Variants in POLD1 observed in about 807,000 individuals in gnomAD.
POLD1 encodes the protein DNA polymerase delta catalytic subunit.
POLD1 carries 79 observed loss-of-function variants against 129.7 expected under a neutral mutation model. The observed-to-expected ratio is 0.61, with a 90% CI of 0.51 to 0.73. The LOEUF (loss-of-function observed/expected upper bound fraction) is 0.73. Among genes scored for constraint, POLD1 ranks in the 30% least tolerant of loss-of-function variants. The probability of loss-of-function intolerance (pLI) is 0.00; values close to 1 mark genes in which losing one functional copy is unlikely to be tolerated. For missense variants in POLD1, 1,338 were observed against 1,595.8 expected (o/e 0.84, Z 2.75); for synonymous variants, 714 against 683.3 (o/e 1.04, Z -0.70).
intron 1 of POLD1, among the ~76,000 whole-genome samples, chr19:50,391,731 T>TC (rs1555788004): frequency 2.7e-5 from 4 of 148,736 alleles, no homozygotes; most frequent in African/African-American, 7.7e-5. Context: ...TCTTTTTTTT[T>TC]CCCACTCCCC....
intron 1 of POLD1, among the ~76,000 whole-genome samples, chr19:50,396,613 G>T (rs1341088386): frequency 1.3e-5 from 2 of 151,586 alleles, no homozygotes; most frequent in African/African-American, 4.8e-5. Context: ...GAGTAGCTGG[G>T]ACTACAGGCG....
chr19:50,401,383 A>ATTTTTTTTTTTTTTTTTTTTT (rs2038607984), intron 3 of POLD1, among the ~76,000 whole-genome samples: 1 of 58,160 alleles, frequency 1.7e-5, no homozygotes, highest in African/African-American at 7.8e-5. Context: ...ATATATATAT[A>ATTTTTTTTTTTTTTTTTTTTT]TATATATATT....
chr19:50,417,678 CCCCA>C lies in POLD1; in HGVS notation c.3219-160_3219-157del, dbSNP rs1383318834. ...GCACCCGCTGTTATCGGCTCCCCCC[CCCCA>C]CCCCCCCCGTGCCTGCTGAGCAAAC... On this transcript the variant is annotated intron_variant, in intron 26 of 26. Coordinates refer to ENST00000440232, the MANE Select transcript of POLD1 (RefSeq NM_002691.4). 0.023 allele frequency among the ~76,000 whole-genome samples: 2,443 copies of C among 105,096 alleles called. 157 individuals carry two copies. Among genetic ancestry groups the C allele is most frequent in the African/African-American group, 0.11 (2,219 of 20,758 alleles). The allele number at this position is 105,096 out of a possible 152,430, so 68.9% of individuals were successfully genotyped here. A position where few individuals can be genotyped will look rare whatever the true frequency, so the allele number is the denominator to read the frequency against.
At chr19:50,407,245 C>G (rs1467754182) in intron 13 of POLD1, 71 bp downstream of exon 13, 2 of 1,550,092 alleles carry the variant, frequency 1.3e-6, no homozygotes, top group African/African-American at 1.4e-5. Context: ...GCAATGGCAT[C>G]CTGGATGCAC....
chr19:50,385,600 C>G (rs1467471555), intron 1 of POLD1, among the ~76,000 whole-genome samples: 1 of 150,564 alleles, frequency 6.6e-6, no homozygotes, highest in African/African-American at 2.5e-5. Context: ...GCAAACTCAG[C>G]TCATTGCAAC....
intron 8 of POLD1, 40 bp downstream of exon 8, chr19:50,402,781 G>A (rs2122262745): frequency 6.4e-7 from 1 of 1,554,432 alleles, no homozygotes; most frequent in Non-Finnish European, 8.7e-7. Flanking sequence ...CCTCATTGAT[G>A]TGCCAAGTCG....
In POLD1 at chr19:50,392,891, A is replaced by G. The variant is rs536295333; in HGVS notation, c.-1-5960A>G. On this transcript the variant is annotated intron_variant, in intron 1 of 26. Coordinates refer to ENST00000440232, the MANE Select transcript of POLD1 (RefSeq NM_002691.4). ...TGCATCTTGCTTTATCTACTGAACA[A>G]TGCCTCTTTGAGAACCTTCCCTATC... 3.9e-5 allele frequency among the ~76,000 whole-genome samples: 6 copies of G among 152,368 alleles called. No individual in the cohort carries two copies. The East Asian group carries it at 7.7e-4, about 20-fold the overall frequency.
At chr19:50,401,392 T>TATATATATA (rs1491527037) in intron 3 of POLD1, among the ~76,000 whole-genome samples, 32 of 47,166 alleles carry the variant, frequency 6.8e-4, no homozygotes, top group African/African-American at 2.4e-3. Flanking sequence ...TATATATATA[T>TATATATATA]TTTTTTTTTT....
intron 1 of POLD1, among the ~76,000 whole-genome samples, chr19:50,390,330 C>G (rs1338938524): frequency 1.3e-5 from 2 of 151,932 alleles, no homozygotes; most frequent in Non-Finnish European, 2.9e-5. Context: ...AGCCAATCTC[C>G]CGAGACTCAG....
Position 50,407,194 on chromosome 19 carries a change from C to T in POLD1, c.1686+20C>T, listed in dbSNP as rs777174650. On this transcript the variant is annotated intron_variant, in intron 13 of 26. Transcript: ENST00000440232. ...CGGCAGGTCAGTAGCCGAGACTTGT[C>T]CTCGCCACCCCCCACCAGGCACGTC... 6 of 1,586,366 alleles carry T rather than the reference C, an allele frequency of 3.8e-6. No homozygotes were observed. In the Admixed American group the frequency reaches 5.1e-5, roughly 14 times the overall value.
At chr19:50,401,377 A>ATGTATATGTG (rs1568617842) in intron 3 of POLD1, among the ~76,000 whole-genome samples, 41 of 54,076 alleles carry the variant, frequency 7.6e-4, no homozygotes, top group African/African-American at 3.1e-3. Flanking sequence ...GTATATATAT[A>ATGTATATGTG]TATATATATA....
chr19:50,384,872 G>C (rs1003442691), intron 1 of POLD1, among the ~76,000 whole-genome samples: 1 of 152,202 alleles, frequency 6.6e-6, no homozygotes, highest in Non-Finnish European at 1.5e-5. Flanking sequence ...AGGGTAACGT[G>C]ATAATGAGCG....
At chr19:50,394,453 A>G (rs2038273602) in intron 1 of POLD1, among the ~76,000 whole-genome samples, 1 of 152,128 alleles carries the variant, frequency 6.6e-6, no homozygotes, top group Non-Finnish European at 1.5e-5. Flanking sequence ...GGAGTTCCAC[A>G]CCAGCCTGGC....
intron 13 of POLD1, 68 bp downstream of exon 13, chr19:50,407,242 C>T (rs1048073923): frequency 6.5e-7 from 1 of 1,536,456 alleles, no homozygotes; most frequent in African/African-American, 1.4e-5. Flanking sequence ...CAGGCAATGG[C>T]ATCCTGGATG....
chr19:50,386,039 C>T (rs781014624), intron 1 of POLD1, among the ~76,000 whole-genome samples: 2 of 152,122 alleles, frequency 1.3e-5, no homozygotes, highest in South Asian at 2.1e-4. Context: ...TGAGCTATGG[C>T]GGAGCAGTGA....
intron 1 of POLD1, among the ~76,000 whole-genome samples, chr19:50,385,915 C>G (rs2037955579): frequency 6.6e-6 from 1 of 152,088 alleles, no homozygotes; most frequent in Non-Finnish European, 1.5e-5. Flanking sequence ...GCTCTTCCCT[C>G]TCTTATGTGT....
In POLD1 at chr19:50,406,384, C is replaced by T. The variant is rs1478740830; in HGVS notation, c.1384-23C>T. Reference sequence around the variant, plus strand: ...AAGGCCACTGCCCAGGCCCGCAGCCCACCAGCCCACCCACCCACCTAGGTG... The same window carrying T: ...AAGGCCACTGCCCAGGCCCGCAGCCTACCAGCCCACCCACCCACCTAGGTG... On this transcript the variant is annotated intron_variant, in intron 11 of 26. Transcript: ENST00000440232. This position sits in a 1 kb window ranked among gnomAD's most constrained non-coding sequence, Gnocchi z 5.5. 5.6e-6 allele frequency: 9 copies of T among 1,608,136 alleles called. No individual in the cohort carries two copies. The highest frequency in any genetic ancestry group is 7.6e-6 in the Non-Finnish European group (9 of 1,177,002).
chr19:50,416,585 C>A (rs2039303142), intron 23 of POLD1, 25 bp from the exon 24 acceptor site: 1 of 1,548,344 alleles, frequency 6.5e-7, no homozygotes, highest in Non-Finnish European at 8.7e-7. Flanking sequence ...GATCACCGGC[C>A]CACCACCTGC....
intron 17 of POLD1, among the ~76,000 whole-genome samples, chr19:50,412,378 C>T (rs969697274): frequency 3.9e-5 from 6 of 151,916 alleles, no homozygotes; most frequent in Admixed American, 1.3e-4. Context: ...GTCTTGAACT[C>T]CTGACCTCAG....
Sources: allele counts gnomAD v4.1 joint callset (sites outside exome capture counted in the v4.1 genomes callset), GRCh38; gene constraint gnomAD v4.1.1; non-coding constraint Gnocchi (gnomAD v3.1); transcripts MANE v1.5; gene names NCBI Gene and HGNC (gene_info 2026-07-23, HGNC 2026-07-21).